EVL: variants seen among roughly 807,000 people sequenced by gnomAD.
The protein encoded by EVL is ena/VASP-like protein.
In EVL, 21 loss-of-function variants were observed where a neutral mutation model predicts 59.6. The ratio of observed to expected loss-of-function variants is 0.35; its 90% CI spans 0.25 to 0.51. The LOEUF (loss-of-function observed/expected upper bound fraction) is 0.51. Ranked by LOEUF, EVL falls within the 20% of genes least tolerant of loss-of-function variation. The pLI is 0.97. For missense variants in EVL, 462 were observed against 546.6 expected (o/e 0.85, Z 1.54); for synonymous variants, 198 against 203.5 (o/e 0.97, Z 0.23).
At chr14:100,021,356 G>A (rs146750520) in intron 1 of EVL, among the ~76,000 whole-genome samples, 4 of 152,258 alleles carry the variant, frequency 2.6e-5, no homozygotes, top group Non-Finnish European at 5.9e-5. Flanking sequence ...CATTATGAAG[G>A]GTAGACCACA....
intron 1 of EVL, among the ~76,000 whole-genome samples, chr14:100,010,675 G>A (rs574294273): frequency 6.6e-6 from 1 of 152,220 alleles, no homozygotes; most frequent in Non-Finnish European, 1.5e-5. Flanking sequence ...GGGATTACAG[G>A]CGTTGAGCCA....
Position 100,126,760 on chromosome 14 carries a change from C to T in EVL, c.476C>T (p.Thr159Ile). Reference sequence around the variant, plus strand: ...CGTCAGGAATCTCTAGAAAGAAGAACCTCGGCCACAGGTGAGAGCCCTCCT... The same window carrying T: ...CGTCAGGAATCTCTAGAAAGAAGAATCTCGGCCACAGGTGAGAGCCCTCCT... ...QQRQESLERR[T>I]SATGPILPPG... Residue 159 changes from threonine (T) to isoleucine (I), a missense_variant, in exon 5 of 14, where the codon ACC becomes ATC. Transcript: ENST00000392920. The T allele has an allele frequency of 6.2e-7, 1 of 1,613,966 alleles. No individual in the cohort carries two copies. Among genetic ancestry groups the T allele is most frequent in the Non-Finnish European group, 8.5e-7 (1 of 1,179,994 alleles).
At chr14:100,097,728 T>G in intron 3 of EVL, 70 bp downstream of exon 3, 11 of 1,457,512 alleles carry the variant, frequency 7.5e-6, no homozygotes, top group Non-Finnish European at 9.3e-6. Context: ...CCCACAGCTC[T>G]GGCTCTCCGG....
At chr14:100,105,537 A>G (rs770431703) in intron 3 of EVL, among the ~76,000 whole-genome samples, 9 of 151,598 alleles carry the variant, frequency 5.9e-5, no homozygotes, top group Middle Eastern at 3.4e-3. Flanking sequence ...GTGCCGGGTA[A>G]GCTGTCATCT....
chr14:100,129,444 T>G, intron 6 of EVL, 119 bp from the exon 7 acceptor site: 1 of 1,448,496 alleles, frequency 6.9e-7, no homozygotes, highest in Non-Finnish European at 9.5e-7. Flanking sequence ...CTGAGGCCCC[T>G]TGCAGTGCTG....
At chr14:100,128,437 T>C in intron 5 of EVL, 82 bp from the exon 6 acceptor site, 5 of 1,438,820 alleles carry the variant, frequency 3.5e-6, no homozygotes, top group Non-Finnish European at 3.9e-6. Flanking sequence ...CTGTCCTTCC[T>C]CCGGGGAACC....
At chr14:100,137,926 G>A (rs1259359257) in intron 11 of EVL, 124 bp downstream of exon 11, 1 of 995,716 alleles carries the variant, frequency 1.0e-6, no homozygotes, top group Non-Finnish European at 1.6e-6. Flanking sequence ...CTCTGCGAAG[G>A]TGGTCTGTTC....
intron 1 of EVL, among the ~76,000 whole-genome samples, chr14:100,076,738 G>C (rs907151816): frequency 4.9e-4 from 75 of 152,338 alleles, no homozygotes; most frequent in African/African-American, 1.8e-3. Context: ...CAGAGTGCGG[G>C]GGGTGGAGTG....
At chr14:100,102,782 C>G (rs551369724) in intron 3 of EVL, among the ~76,000 whole-genome samples, 1 of 152,188 alleles carries the variant, frequency 6.6e-6, no homozygotes, top group Non-Finnish European at 1.5e-5. Context: ...CACCCACCAT[C>G]ATACTGTCAC....
intron 1 of EVL, among the ~76,000 whole-genome samples, chr14:100,000,675 G>A (rs2060941098): frequency 6.6e-6 from 1 of 152,146 alleles, no homozygotes; most frequent in Non-Finnish European, 1.5e-5. Flanking sequence ...TCCAAAGGAG[G>A]CGATCAGGTA....
Position 100,135,926 on chromosome 14 carries a change from T to A in EVL, c.922T>A (p.Ser308Thr), listed in dbSNP as rs781742751. Residue 308 changes from serine (S) to threonine (T), a missense_variant, in exon 9 of 14, where the codon TCT becomes ACT. Coordinates refer to ENST00000392920, the MANE Select transcript of EVL (RefSeq NM_016337.3). Reference sequence around the variant, plus strand: ...TTAGGAAGATCCTAGTACCTCCCCCTCTCCGGGGACCCGAGCAGCCAGCCA... The same window carrying A: ...TTAGGAAGATCCTAGTACCTCCCCCACTCCGGGGACCCGAGCAGCCAGCCA... The part of the protein sequence containing the change: ...SQMEDPSTSP[S>T]PGTRAASQPP... 6.2e-7 allele frequency: 1 copy of A among 1,613,650 alleles called. No homozygotes were observed. Among genetic ancestry groups the A allele is most frequent in the Non-Finnish European group, 8.5e-7 (1 of 1,179,986 alleles).
intron 1 of EVL, among the ~76,000 whole-genome samples, chr14:99,990,218 A>C (rs2060866422): frequency 6.6e-6 from 1 of 152,220 alleles, no homozygotes; most frequent in African/African-American, 2.4e-5. Flanking sequence ...GAATATTTTC[A>C]GAAGGTTTTC....
intron 1 of EVL, among the ~76,000 whole-genome samples, chr14:100,016,641 C>T (rs2061053472): frequency 6.6e-6 from 1 of 152,208 alleles, no homozygotes; most frequent in African/African-American, 2.4e-5. Flanking sequence ...ACAGAAGTGC[C>T]TTTTTGAGCC....
At chr14:100,081,609 T>G (rs535299682) in intron 1 of EVL, among the ~76,000 whole-genome samples, 1 of 152,160 alleles carries the variant, frequency 6.6e-6, no homozygotes, top group East Asian at 1.9e-4. Context: ...AGTGCTTTAT[T>G]TATGCCATCT....
rs940316335 is a variant in EVL, at chr14:100,127,735, G to A, written c.488-784G>A. ...CAGTCACTTCCGTGAGGACGTCATGGAGGACGTCCGTCTTCCATGAACTTC... is the reference window on the plus strand; with the variant it reads ...CAGTCACTTCCGTGAGGACGTCATGAAGGACGTCCGTCTTCCATGAACTTC... On this transcript the variant is annotated intron_variant, in intron 5 of 13. Transcript: ENST00000392920. This position sits in a 1 kb window ranked among gnomAD's most constrained non-coding sequence, Gnocchi z 4.2. 6.6e-6 allele frequency among the ~76,000 whole-genome samples: 1 copy of A among 152,200 alleles called. No homozygotes were observed. The highest frequency in any genetic ancestry group is 1.5e-5 in the Non-Finnish European group (1 of 68,042).
At chr14:100,107,309 G>T in intron 3 of EVL, 1 of 398,678 alleles carries the variant, frequency 2.5e-6, no homozygotes, top group Non-Finnish European at 4.4e-6. Flanking sequence ...CATAGTGGGA[G>T]TGAATTTTAA....
At chr14:100,094,750 C>CAAAACAAAACAAAACAAAAA in intron 2 of EVL, among the ~76,000 whole-genome samples, 1 of 148,070 alleles carries the variant, frequency 6.8e-6, no homozygotes, top group East Asian at 2.0e-4. Context: ...TCTTAAAAAA[C>CAAAACAAAACAAAACAAAAA]CATACTACGG....
At chr14:100,011,567 TC>T (rs2061017046) in intron 1 of EVL, among the ~76,000 whole-genome samples, 2 of 152,196 alleles carry the variant, frequency 1.3e-5, no homozygotes, top group African/African-American at 4.8e-5. Context: ...AAATTAGACT[TC>T]GACATAATGA....
At chr14:100,092,432 T>C (rs1474881079) in intron 2 of EVL, among the ~76,000 whole-genome samples, 2 of 152,126 alleles carry the variant, frequency 1.3e-5, no homozygotes, top group African/African-American at 4.8e-5. Context: ...TGGAATACTA[T>C]GTAGCAGTCA....
Sources: allele counts gnomAD v4.1 joint callset (sites outside exome capture counted in the v4.1 genomes callset), GRCh38; gene constraint gnomAD v4.1.1; non-coding constraint Gnocchi (gnomAD v3.1); transcripts MANE v1.5; gene names NCBI Gene and HGNC (gene_info 2026-07-23, HGNC 2026-07-21).